SARS1: variants seen among roughly 807,000 people sequenced by gnomAD.
SARS1 encodes serine--tRNA ligase, cytoplasmic.
A neutral mutation model predicts 63.7 loss-of-function variants in SARS1; 25 were observed. That is an observed-to-expected ratio of 0.39 (90% CI 0.29 to 0.55). The LOEUF is 0.55. Ranked by LOEUF, SARS1 falls within the 20% of genes least tolerant of loss-of-function variation. The probability of loss-of-function intolerance (pLI) is 0.62; values close to 1 mark genes in which losing one functional copy is unlikely to be tolerated. For missense variants in SARS1, 417 were observed against 649.7 expected (o/e 0.64, Z 3.89); for synonymous variants, 231 against 243.5 (o/e 0.95, Z 0.48).
intron 1 of SARS1, chr1:109,215,475 T>C: frequency 1.0e-6 from 1 of 985,276 alleles, no homozygotes; most frequent in Non-Finnish European, 1.2e-6. Flanking sequence ...AAGGATTCAA[T>C]TTTATTCATA....
intron 6 of SARS1, among the ~76,000 whole-genome samples, chr1:109,234,440 CTT>C (rs1300915534): frequency 1.4e-5 from 2 of 145,678 alleles, no homozygotes. Flanking sequence ...CCTGTCTGAA[CTT>C]TTTTTTTTTT....
chr1:109,236,159 C>T, intron 8 of SARS1, 53 bp downstream of exon 8: 1 of 1,572,820 alleles, frequency 6.4e-7, no homozygotes, highest in South Asian at 1.2e-5. Flanking sequence ...CCAGACGCCA[C>T]CCTTACCAGC....
intron 2 of SARS1, among the ~76,000 whole-genome samples, chr1:109,225,906 A>G (rs1655054935): frequency 1.3e-5 from 2 of 152,208 alleles, no homozygotes; most frequent in African/African-American, 4.8e-5. Flanking sequence ...ATGCCATTGC[A>G]AAAATCTTGA....
Position 109,229,519 on chromosome 1 carries a change from C to G in SARS1, c.394C>G (p.Leu132Val). 1 of 1,614,214 alleles carries G rather than the reference C, an allele frequency of 6.2e-7. No homozygotes were observed. Among genetic ancestry groups the G allele is most frequent in the African/African-American group, 1.3e-5 (1 of 75,054 alleles). Residue 132 changes from leucine (L) to valine (V), a missense_variant, in exon 4 of 11, where the codon CTC (leucine) becomes GTC (valine). Leu to Val is a conservative substitution (Grantham distance 32). Around this residue, in one of 3 missense-constraint regions of SARS1, gnomAD observed 359 missense variants for 529.6 expected, o/e 0.68. Coordinates refer to ENST00000234677, the MANE Select transcript of SARS1 (RefSeq NM_006513.4). ...IKLEAERFEN[L>V]REIGNLLHPS... ...GTTGGAAGCAGAGCGGTTTGAGAACCTCCGAGAGATTGGGAACCTTCTGCA... is the reference window on the plus strand; with the variant it reads ...GTTGGAAGCAGAGCGGTTTGAGAACGTCCGAGAGATTGGGAACCTTCTGCA...
intron 6 of SARS1, among the ~76,000 whole-genome samples, chr1:109,232,589 C>T (rs1334910513): frequency 6.6e-6 from 1 of 152,082 alleles, no homozygotes; most frequent in African/African-American, 2.4e-5. Flanking sequence ...ACGATCTTTC[C>T]ATTGTTTCTG....
chr1:109,222,567 A>G (rs1315708205), intron 1 of SARS1, among the ~76,000 whole-genome samples: 1 of 152,206 alleles, frequency 6.6e-6, no homozygotes, highest in Non-Finnish European at 1.5e-5. Flanking sequence ...TAGTTTTATC[A>G]ATGTGAATAA....
At chr1:109,219,183 A>G (rs535487747) in intron 1 of SARS1, among the ~76,000 whole-genome samples, 81 of 147,072 alleles carry the variant, frequency 5.5e-4, no homozygotes, top group Middle Eastern at 3.5e-3. Context: ...GGAGAATGGC[A>G]TGAACCCAGG....
At position 109,213,947 on chromosome 1, in the gene SARS1, C is replaced by T; in HGVS notation, c.-46C>T. The T allele has an allele frequency of 1.9e-6, 3 of 1,566,738 alleles. No individual in the cohort carries two copies. The highest frequency in any genetic ancestry group is 2.6e-6 in the Non-Finnish European group (3 of 1,153,744). ...TGCGGCGGTCACAGGCTGAGTGCTG[C>T]GGCGCGATCCTTGCTTCCCTGAGCG... On this transcript the variant is annotated 5_prime_UTR_variant, in exon 1 of 11. Transcript: ENST00000234677.
At position 109,214,171 on chromosome 1, in the gene SARS1, C is replaced by T; in HGVS notation, c.136+43C>T. 1 of 1,597,998 alleles carries T rather than the reference C, an allele frequency of 6.3e-7. No individual in the cohort carries two copies. Among genetic ancestry groups the T allele is most frequent in the Admixed American group, 1.7e-5 (1 of 58,482 alleles). ...CGGGTTACCTCCTTGATGCTAAACC[C>T]AATTTTCTCTCTCAAATCCAGCCAC... On this transcript the variant is annotated intron_variant, in intron 1 of 10. Coordinates refer to ENST00000234677, the MANE Select transcript of SARS1 (RefSeq NM_006513.4). This position sits in a 1 kb window ranked among gnomAD's most constrained non-coding sequence, Gnocchi z 4.6.
chr1:109,222,083 C>T (rs1234581713), intron 1 of SARS1, among the ~76,000 whole-genome samples: 1 of 120,438 alleles, frequency 8.3e-6, no homozygotes, highest in Non-Finnish European at 1.6e-5. Context: ...AGGCTGGTCT[C>T]GAATTCCTGG....
At chr1:109,223,866 G>A (rs911582414) in intron 1 of SARS1, 112 bp from the exon 2 acceptor site, 1 of 769,594 alleles carries the variant, frequency 1.3e-6, no homozygotes, top group Non-Finnish European at 2.3e-6. Flanking sequence ...CTTCAGCTCT[G>A]CCGGCATTTG....
chr1:109,227,515 G>T (rs1243721188), intron 2 of SARS1, among the ~76,000 whole-genome samples: 1 of 152,068 alleles, frequency 6.6e-6, no homozygotes, highest in East Asian at 1.9e-4. Flanking sequence ...CTTTTTGTTT[G>T]TTTGTTTTCC....
chr1:109,217,851 C>T (rs1433890547), intron 1 of SARS1, among the ~76,000 whole-genome samples: 3 of 152,020 alleles, frequency 2.0e-5, no homozygotes, highest in South Asian at 2.1e-4. Context: ...TGAACCACCA[C>T]GCCCAGCCCC....
chr1:109,220,999 G>A (rs1168681798), intron 1 of SARS1, among the ~76,000 whole-genome samples: 1 of 151,500 alleles, frequency 6.6e-6, no homozygotes, highest in African/African-American at 2.4e-5. Flanking sequence ...ATAGAAGGGA[G>A]CTTCCTTAAT....
intron 5 of SARS1, 34 bp from the exon 6 acceptor site, chr1:109,231,597 C>G: frequency 7.3e-7 from 1 of 1,378,720 alleles, no homozygotes; most frequent in Non-Finnish European, 9.5e-7. Flanking sequence ...GTGACAAGAC[C>G]CAATCACATA....
At chr1:109,231,152 C>T in intron 5 of SARS1, 131 bp downstream of exon 5, 8 of 519,922 alleles carry the variant, frequency 1.5e-5, no homozygotes, top group Non-Finnish European at 2.2e-5. Flanking sequence ...GTTGTACTTG[C>T]CTTTCTGCAA....
intron 6 of SARS1, among the ~76,000 whole-genome samples, chr1:109,233,863 T>TTG (rs1491193982): frequency 4.5e-5 from 1 of 22,140 alleles, no homozygotes; most frequent in Admixed American, 7.8e-4. Flanking sequence ...ACCTGGCTAA[T>TTG]TTTTTTTTTT....
intron 2 of SARS1, among the ~76,000 whole-genome samples, chr1:109,226,681 T>TATATATATATACAC (rs1570758308): frequency 1.1e-4 from 4 of 36,200 alleles, no homozygotes; most frequent in East Asian, 1.2e-3. Flanking sequence ...AAAAAAAATA[T>TATATATATATACAC]ATATATATAT....
intron 4 of SARS1, among the ~76,000 whole-genome samples, chr1:109,230,173 GA>G (rs373056107): frequency 1.1e-4 from 16 of 149,404 alleles, no homozygotes; most frequent in African/African-American, 2.9e-4. Flanking sequence ...TGAGAGCCTG[GA>G]AAAAAAAAAT....
Sources: allele counts gnomAD v4.1 joint callset (sites outside exome capture counted in the v4.1 genomes callset), GRCh38; gene constraint gnomAD v4.1.1; regional missense constraint gnomAD v4.1.1; non-coding constraint Gnocchi (gnomAD v3.1); transcripts MANE v1.5; gene names NCBI Gene and HGNC (gene_info 2026-07-23, HGNC 2026-07-21).